The following CACNA2D1 variants were observed in gnomAD, a reference collection of about 807,000 sequenced individuals.
CACNA2D1 encodes voltage-dependent calcium channel subunit alpha-2/delta-1.
Under a neutral mutation model 171.5 loss-of-function variants are expected in CACNA2D1, and 53 were observed. The observed-to-expected ratio is 0.31, with a 90% CI of 0.25 to 0.39. CACNA2D1 has a LOEUF of 0.39. CACNA2D1 is among the 10% of genes least tolerant of loss of function. CACNA2D1 has a pLI of 1.00. For missense variants in CACNA2D1, 903 were observed against 1,299.8 expected (o/e 0.69, Z 4.69); for synonymous variants, 442 against 443.1 (o/e 1.00, Z 0.03).
At chr7:82,375,945 G>T (rs1048394043) in intron 1 of CACNA2D1, among the ~76,000 whole-genome samples, 1 of 152,112 alleles carries the variant, frequency 6.6e-6, no homozygotes, top group Non-Finnish European at 1.5e-5. Flanking sequence ...ACAAGACCAC[G>T]TGTCACTGTG....
intron 24 of CACNA2D1, among the ~76,000 whole-genome samples, chr7:81,978,798 GCA>G (rs1491499404): frequency 1.7e-4 from 15 of 87,952 alleles, no homozygotes; most frequent in African/African-American, 6.6e-4. Context: ...GTTCAAAACA[GCA>G]CATATATATA....
intron 20 of CACNA2D1, 88 bp downstream of exon 20, chr7:81,994,780 T>G: frequency 1.4e-6 from 1 of 728,406 alleles, no homozygotes; most frequent in Non-Finnish European, 2.4e-6. Context: ...AAGTAAATAG[T>G]GGATTAATAG....
At chr7:82,224,345 T>C (rs1802122162) in intron 3 of CACNA2D1, among the ~76,000 whole-genome samples, 1 of 152,124 alleles carries the variant, frequency 6.6e-6, no homozygotes, top group East Asian at 1.9e-4. Context: ...GCCAGCACTT[T>C]GGGAGGCCGA....
intron 3 of CACNA2D1, among the ~76,000 whole-genome samples, chr7:82,273,398 A>G (rs1192878086): frequency 6.6e-6 from 1 of 151,722 alleles, no homozygotes; most frequent in South Asian, 2.1e-4. Flanking sequence ...GTACTGGCAT[A>G]TACATACGAT....
chr7:82,282,926 T>C (rs936518429), intron 3 of CACNA2D1, among the ~76,000 whole-genome samples: 4 of 152,142 alleles, frequency 2.6e-5, no homozygotes, highest in African/African-American at 9.7e-5. Flanking sequence ...TCGCCTAATA[T>C]AAGAATCAAA....
intron 3 of CACNA2D1, among the ~76,000 whole-genome samples, chr7:82,251,797 C>T (rs572046911): frequency 2.6e-5 from 4 of 152,266 alleles, no homozygotes; most frequent in African/African-American, 9.6e-5. Flanking sequence ...TTAGTGGTTA[C>T]ATAGCTTGGA....
At chr7:82,038,267 G>T (rs750070633) in intron 10 of CACNA2D1, 32 bp from the exon 11 acceptor site, 22 of 1,570,264 alleles carry the variant, frequency 1.4e-5, no homozygotes, top group Non-Finnish European at 1.9e-5. Context: ...ATATATAAAT[G>T]AACATTAAAA....
At chr7:82,137,707 TAAAA>T (rs1174278503) in intron 4 of CACNA2D1, among the ~76,000 whole-genome samples, 6,354 of 78,768 alleles carry the variant, frequency 0.081, 347 homozygotes, top group Non-Finnish European at 0.11. Flanking sequence ...CCGTCTCTAC[TAAAA>T]AAAAAAAAAA....
chr7:82,376,583 C>T (rs1285644943), intron 1 of CACNA2D1, among the ~76,000 whole-genome samples: 1 of 152,200 alleles, frequency 6.6e-6, no homozygotes, highest in African/African-American at 2.4e-5. Context: ...GGAACAGTTG[C>T]ACACTTCTTT....
rs142700273 is a variant in CACNA2D1 at position 82,349,153 on chromosome 7, A to C, written c.177+415T>G. On this transcript the variant is annotated intron_variant, in intron 2 of 38. Transcript: ENST00000356860. Reference sequence around the variant, plus strand: ...ACACTTTTCAAATAATTTTTACCCTAATAGAATGAATATATGTTTTCACTG... The same window carrying C: ...ACACTTTTCAAATAATTTTTACCCTCATAGAATGAATATATGTTTTCACTG... Among the ~76,000 whole-genome samples, 784 of 152,280 alleles carry C rather than the reference A, an allele frequency of 5.1e-3. 22 individuals carry two copies. In the East Asian group the frequency reaches 0.081, roughly 16 times the overall value.
chr7:82,154,383 TAG>T (rs1794157772), intron 4 of CACNA2D1, among the ~76,000 whole-genome samples: 1 of 151,948 alleles, frequency 6.6e-6, no homozygotes, highest in South Asian at 2.1e-4. Flanking sequence ...CTTCCATTAG[TAG>T]AAAGGTATGG....
intron 24 of CACNA2D1, 98 bp downstream of exon 24, chr7:81,982,469 A>T: frequency 1.3e-6 from 1 of 763,658 alleles, no homozygotes; most frequent in Admixed American, 1.8e-5. Flanking sequence ...CCATAATGTG[A>T]TATGGAACTA....
intron 3 of CACNA2D1, among the ~76,000 whole-genome samples, chr7:82,258,817 C>CTTTTTT (rs201927487): frequency 0.063 from 4,571 of 72,232 alleles, 891 homozygotes; most frequent in Non-Finnish European, 0.08. Flanking sequence ...TCTTACTTTT[C>CTTTTTT]TTTTTTTTTT....
At chr7:82,132,433 C>CGA in intron 5 of CACNA2D1, among the ~76,000 whole-genome samples, 1 of 152,158 alleles carries the variant, frequency 6.6e-6, no homozygotes, top group East Asian at 1.9e-4. Context: ...TACTCCATAT[C>CGA]CTCTTGCAAC....
chr7:82,367,577 C>T (rs1318966231), intron 1 of CACNA2D1, among the ~76,000 whole-genome samples: 1 of 152,128 alleles, frequency 6.6e-6, no homozygotes, highest in Non-Finnish European at 1.5e-5. Context: ...TTTTCAGCCT[C>T]TTTTCTCCAG....
intron 2 of CACNA2D1, among the ~76,000 whole-genome samples, chr7:82,348,684 C>T (rs538022458): frequency 2.0e-5 from 3 of 152,144 alleles, no homozygotes; most frequent in Non-Finnish European, 4.4e-5. Context: ...AGTAACCACA[C>T]ATTCCAGTTT....
At chr7:81,973,457 G>A (rs949302391) in intron 25 of CACNA2D1, among the ~76,000 whole-genome samples, 7 of 151,942 alleles carry the variant, frequency 4.6e-5, no homozygotes, top group African/African-American at 1.7e-4. Context: ...GCAATAAATC[G>A]AAGTTAAGAG....
At chr7:82,253,202 T>C (rs933828215) in intron 3 of CACNA2D1, among the ~76,000 whole-genome samples, 1 of 152,116 alleles carries the variant, frequency 6.6e-6, no homozygotes, top group African/African-American at 2.4e-5. Context: ...ATTACAGAAT[T>C]TGGGATAGAA....
chr7:82,110,978 G>C (rs1425796018), intron 6 of CACNA2D1, among the ~76,000 whole-genome samples: 1 of 152,058 alleles, frequency 6.6e-6, no homozygotes, highest in South Asian at 2.1e-4. Context: ...AGAGAATTTT[G>C]ACCATTTAGT....
Sources: gnomAD v4.1 joint callset for allele counts (sites outside exome capture counted in the v4.1 genomes callset) on GRCh38, gnomAD v4.1.1 for gene constraint, MANE v1.5 for transcripts, NCBI Gene and HGNC (gene_info 2026-07-23, HGNC 2026-07-21) for gene names.